Variants in TMC1 observed in about 807,000 individuals in gnomAD.
TMC1 encodes transmembrane channel like 1.
A neutral mutation model predicts 105.8 loss-of-function variants in TMC1; 84 were observed. That is an observed-to-expected ratio of 0.79 (90% CI 0.67 to 0.95). The LOEUF (loss-of-function observed/expected upper bound fraction) is 0.95, where lower values mean the gene tolerates loss of function less well. Ranked by LOEUF, TMC1 falls within the 40% of genes least tolerant of loss-of-function variation. The pLI is 0.00. For synonymous variants in TMC1, 315 were observed against 311.5 expected, an observed-to-expected ratio of 1.01 and a Z score of -0.12; for missense variants, 817 against 914.1, an observed-to-expected ratio of 0.89 and a Z score of 1.37.
chr9:72,535,680 A>T (rs758395891), intron 1 of TMC1, among the ~76,000 whole-genome samples: 2 of 152,200 alleles, frequency 1.3e-5, no homozygotes, highest in Admixed American at 6.5e-5. Flanking sequence ...ATAAGAAAAG[A>T]GGTTGATTTG....
chr9:72,678,669 CT>C (rs1358720007), intron 5 of TMC1, among the ~76,000 whole-genome samples: 1 of 151,800 alleles, frequency 6.6e-6, no homozygotes, highest in Non-Finnish European at 1.5e-5. Flanking sequence ...ATTCTCAATT[CT>C]ATTATTATAG....
chr9:72,764,311 C>G (rs919850867), intron 12 of TMC1, among the ~76,000 whole-genome samples: 1 of 152,190 alleles, frequency 6.6e-6, no homozygotes, highest in African/African-American at 2.4e-5. Context: ...AAGCTTCACT[C>G]TGAATATTTT....
intron 2 of TMC1, among the ~76,000 whole-genome samples, chr9:72,602,366 ATTTTTTTTTTT>A (rs66682329): frequency 1.2e-5 from 1 of 86,552 alleles, no homozygotes; most frequent in Non-Finnish European, 2.1e-5. Flanking sequence ...CCTATTGGTG[ATTTTTTTTTTT>A]TTTTTTTTTT....
chr9:72,791,753 G>T lies in TMC1; in HGVS notation c.1225-133G>T, dbSNP rs547143889. The T allele has an allele frequency of 7.8e-6, 6 of 769,538 alleles. No homozygotes were observed. The East Asian group carries it at 1.2e-4, about 16-fold the overall frequency. The allele number at this position is 769,538 out of a possible 1,614,324, so 47.7% of individuals were successfully genotyped here. On this transcript the variant is annotated intron_variant, in intron 15 of 23. Coordinates refer to ENST00000297784, the MANE Select transcript of TMC1 (RefSeq NM_138691.3). ...ATTTTATTGAGATCAAATTCTAAAC[G>T]TGCATAAAATAGTCATTTTTAGTCT...
At chr9:72,570,229 T>TTGTGTGTG (rs756068731) in intron 1 of TMC1, among the ~76,000 whole-genome samples, 2 of 87,610 alleles carry the variant, frequency 2.3e-5, no homozygotes, top group Non-Finnish European at 4.6e-5. Flanking sequence ...GCTCAAAGAG[T>TTGTGTGTG]AGTGTGTGTG....
chr9:72,662,379 T>A (rs1435667162), intron 5 of TMC1, among the ~76,000 whole-genome samples: 1 of 150,630 alleles, frequency 6.6e-6, no homozygotes, highest in East Asian at 2.0e-4. Context: ...GTATTTTTAG[T>A]AGAGGCAGGG....
rs555430123 is a variant in TMC1 at position 72,634,898 on chromosome 9, G to A, written c.-53+6835G>A. Among the ~76,000 whole-genome samples the A allele has an allele frequency of 1.6e-4, 25 of 152,304 alleles. 1 individual carries two copies. The South Asian group carries it at 4.8e-3, about 29-fold the overall frequency. On this transcript the variant is annotated intron_variant, in intron 4 of 23. Transcript: ENST00000297784. ...ATGTGGGAAGGAGCATGAAGCTTCC[G>A]TGCATTCTTGGGCTCATCACCCTCT...
chr9:72,743,616 C>G (rs988190100), intron 10 of TMC1, among the ~76,000 whole-genome samples: 8 of 147,748 alleles, frequency 5.4e-5, no homozygotes, highest in Non-Finnish European at 1.2e-4. Context: ...AGTCTTAAAA[C>G]CTCATTTTCA....
At chr9:72,610,216 T>C (rs1400753430) in intron 2 of TMC1, among the ~76,000 whole-genome samples, 1 of 152,204 alleles carries the variant, frequency 6.6e-6, no homozygotes, top group Non-Finnish European at 1.5e-5. Flanking sequence ...TTTAAAATAT[T>C]GGACTAGAGC....
intron 1 of TMC1, among the ~76,000 whole-genome samples, chr9:72,551,007 A>G (rs992026196): frequency 6.6e-6 from 1 of 152,200 alleles, no homozygotes; most frequent in Non-Finnish European, 1.5e-5. Context: ...TTACAGATGC[A>G]ATATTGTTTC....
intron 5 of TMC1, among the ~76,000 whole-genome samples, chr9:72,676,649 A>G (rs1276476326): frequency 1.3e-5 from 2 of 152,146 alleles, no homozygotes; most frequent in Non-Finnish European, 2.9e-5. Flanking sequence ...TCATTCTCCT[A>G]GAGCCAGGCA....
chr9:72,821,363 G>T lies in TMC1; in HGVS notation c.2003+282G>T, dbSNP rs1439829723. Among the ~76,000 whole-genome samples the T allele has an allele frequency of 4.6e-5, 7 of 152,132 alleles. No individual in the cohort carries two copies. In the East Asian group the frequency reaches 1.4e-3, roughly 29 times the overall value. On this transcript the variant is annotated intron_variant, in intron 20 of 23. Coordinates refer to ENST00000297784, the MANE Select transcript of TMC1 (RefSeq NM_138691.3). ...ACAAAGAAAAAAAAATTAGTCGCGT[G>T]TGGTGGTGGGTGCCTGTAATCCCTG...
At chr9:72,525,845 G>A (rs146654071) in intron 1 of TMC1, among the ~76,000 whole-genome samples, 5,337 of 152,172 alleles carry the variant, frequency 0.035, 120 homozygotes, top group Middle Eastern at 0.089. Context: ...AAAATTAGCC[G>A]GGCGTGGTGG....
intron 1 of TMC1, among the ~76,000 whole-genome samples, chr9:72,544,765 C>T (rs370042125): frequency 1.5e-3 from 219 of 147,288 alleles, no homozygotes; most frequent in Middle Eastern, 0.014. Flanking sequence ...CAGGCATGAG[C>T]CAGCGCTCCC....
At chr9:72,743,894 ATCTT>A (rs1167807729) in intron 10 of TMC1, among the ~76,000 whole-genome samples, 14 of 152,346 alleles carry the variant, frequency 9.2e-5, no homozygotes, top group Middle Eastern at 3.4e-3. Context: ...TTTGAGCACA[ATCTT>A]TCCATATTCT....
intron 17 of TMC1, among the ~76,000 whole-genome samples, chr9:72,798,380 T>A (rs7853204): frequency 0.16 from 24,334 of 151,724 alleles, 2,072 homozygotes; most frequent in Non-Finnish European, 0.19. Flanking sequence ...TACCCAGAGG[T>A]ATATAAATCA....
chr9:72,542,826 C>G (rs775297507), intron 1 of TMC1, among the ~76,000 whole-genome samples: 9 of 151,944 alleles, frequency 5.9e-5, no homozygotes, highest in Non-Finnish European at 1.2e-4. Flanking sequence ...ATTACAGGTG[C>G]CTGCCACCGC....
chr9:72,752,962 T>C (rs1433351239), intron 11 of TMC1, among the ~76,000 whole-genome samples: 1 of 152,242 alleles, frequency 6.6e-6, no homozygotes, highest in Non-Finnish European at 1.5e-5. Flanking sequence ...TGATGTAGAC[T>C]GTAGAAGACA....
At chr9:72,600,768 C>A (rs147448552) in intron 2 of TMC1, among the ~76,000 whole-genome samples, 25 of 151,682 alleles carry the variant, frequency 1.6e-4, no homozygotes, top group African/African-American at 5.8e-4. Flanking sequence ...CCTGTTTTAC[C>A]CTATATCCTA....
Sources: allele counts gnomAD v4.1 joint callset (sites outside exome capture counted in the v4.1 genomes callset), GRCh38; gene constraint gnomAD v4.1.1; transcripts MANE v1.5; gene names NCBI Gene and HGNC (gene_info 2026-07-23, HGNC 2026-07-21).